The following SFMBT1 variants were observed in gnomAD, a reference collection of about 807,000 sequenced individuals.
SFMBT1 encodes Scm like with four mbt domains 1, also known as scm-like with four MBT domains protein 1.
Under a neutral mutation model 108.7 loss-of-function variants are expected in SFMBT1, and 32 were observed. The observed-to-expected ratio is 0.29, with a 90% CI of 0.22 to 0.40. The LOEUF (loss-of-function observed/expected upper bound fraction) is 0.40, where lower values mean the gene tolerates loss of function less well. Ranked by LOEUF, SFMBT1 falls within the 10% of genes least tolerant of loss-of-function variation. The pLI is 1.00. For synonymous variants in SFMBT1, 348 were observed against 369.5 expected, an observed-to-expected ratio of 0.94 and a Z score of 0.67; for missense variants, 816 against 1,059.6, an observed-to-expected ratio of 0.77 and a Z score of 3.19.
intron 12 of SFMBT1, 118 bp from the exon 13 acceptor site, chr3:52,918,644 T>C: frequency 2.0e-6 from 1 of 502,322 alleles, no homozygotes; most frequent in Non-Finnish European, 3.4e-6. Flanking sequence ...AGTGTGTGTG[T>C]ATATATGTGT....
intron 2 of SFMBT1, among the ~76,000 whole-genome samples, chr3:52,958,285 T>C (rs533346075): frequency 3.3e-5 from 5 of 152,200 alleles, no homozygotes; most frequent in East Asian, 3.9e-4. Flanking sequence ...GTCAGAATGA[T>C]GATTATTAAA....
Position 53,001,925 on chromosome 3 carries a change from T to TCTCACACA in SFMBT1, c.-130-32668_-130-32667insTGTGTGAG, listed in dbSNP as rs1448849638. On this transcript the variant is annotated intron_variant, in intron 1 of 20. Transcript: ENST00000394752. ...GGGCAACAGAGCAAGACCCAGTCTC[T>TCTCACACA]CACACACACACACACACACACACAC... is the stretch of plus-strand genomic sequence containing the variant. Among the ~76,000 whole-genome samples the TCTCACACA allele has an allele frequency of 3.5e-3, 457 of 129,228 alleles. 8 individuals are homozygous for TCTCACACA. Among genetic ancestry groups the TCTCACACA allele is most frequent in the African/African-American group, 0.01 (374 of 35,824 alleles). The allele number at this position is 129,228 out of a possible 152,430, so 84.8% of individuals were successfully genotyped here. A position where few individuals can be genotyped will look rare whatever the true frequency, so the allele number is the denominator to read the frequency against.
chr3:53,045,965 T>C lies in SFMBT1; in HGVS notation c.-280A>G, dbSNP rs1243009269. On this transcript the variant is annotated 5_prime_UTR_variant, in exon 1 of 21. Coordinates refer to ENST00000394752, the MANE Select transcript of SFMBT1 (RefSeq NM_016329.4). ...CGCGCTCGCCCGCTCGCGCCCTCCT[T>C]CCTGCTGGGTTCGGCGGAGCGGGGC... 6.7e-6 allele frequency: 1 copy of C among 150,134 alleles called. No homozygotes were observed. The highest frequency in any genetic ancestry group is 1.5e-5 in the Non-Finnish European group (1 of 67,400). 9.3% of individuals were successfully genotyped at this position (150,134 alleles called of 1,614,324 possible). A position where few individuals can be genotyped will look rare whatever the true frequency, so the allele number is the denominator to read the frequency against.
intron 1 of SFMBT1, among the ~76,000 whole-genome samples, chr3:53,015,813 GT>G (rs959427707): frequency 9.2e-5 from 14 of 151,916 alleles, no homozygotes; most frequent in African/African-American, 3.1e-4. Flanking sequence ...TGGGTACAAG[GT>G]TTTTTTTCTG....
chr3:52,973,095 T>C (rs949595456), intron 1 of SFMBT1, among the ~76,000 whole-genome samples: 2 of 152,140 alleles, frequency 1.3e-5, no homozygotes, highest in African/African-American at 4.8e-5. Context: ...CTCACCCCTG[T>C]AGTCCCAGTG....
chr3:52,940,214 C>T (rs1032815396), intron 4 of SFMBT1, among the ~76,000 whole-genome samples: 8 of 152,208 alleles, frequency 5.3e-5, no homozygotes, highest in Admixed American at 5.2e-4. Context: ...AAGTAAAAAA[C>T]CTTCACAAAG....
rs796932837 is a variant in SFMBT1, at chr3:53,012,403, CTTT to C, written c.-131+33410_-131+33412del. Among the ~76,000 whole-genome samples, 369 of 146,328 alleles carry C rather than the reference CTTT, an allele frequency of 2.5e-3. 1 individual carries two copies. Among genetic ancestry groups the C allele is most frequent in the African/African-American group, 8.2e-3 (328 of 40,212 alleles). ...ACAGAAGTGCCTTGCAGTGAGTGCT[CTTT>C]TTTTTTTTTTTCCCGAGACGGAGTC... On this transcript the variant is annotated intron_variant, in intron 1 of 20. Transcript: ENST00000394752.
chr3:52,964,597 A>T (rs911320964), intron 2 of SFMBT1, among the ~76,000 whole-genome samples: 11 of 152,320 alleles, frequency 7.2e-5, no homozygotes, highest in African/African-American at 2.6e-4. Flanking sequence ...CCTAGTATCA[A>T]ATTAGCACTC....
At chr3:52,982,663 A>G (rs1704752912) in intron 1 of SFMBT1, among the ~76,000 whole-genome samples, 1 of 140,860 alleles carries the variant, frequency 7.1e-6, no homozygotes, top group African/African-American at 2.7e-5. Context: ...CAGGAGGCGG[A>G]GGTTGAAGTA....
chr3:53,012,798 G>C (rs1698999913), intron 1 of SFMBT1, among the ~76,000 whole-genome samples: 1 of 151,576 alleles, frequency 6.6e-6, no homozygotes, highest in East Asian at 1.9e-4. Flanking sequence ...TATGATTCAA[G>C]GTAATGCAAT....
At chr3:52,958,160 A>G (rs1703840933) in intron 2 of SFMBT1, among the ~76,000 whole-genome samples, 1 of 152,244 alleles carries the variant, frequency 6.6e-6, no homozygotes, top group South Asian at 2.1e-4. Flanking sequence ...GGACATGAAC[A>G]GACACCTTAC....
intron 1 of SFMBT1, among the ~76,000 whole-genome samples, chr3:53,042,058 A>T (rs146861188): frequency 2.0e-5 from 3 of 152,246 alleles, no homozygotes; most frequent in African/African-American, 7.2e-5. Context: ...GAAAATTATA[A>T]GAGAAAAAAT....
chr3:52,930,451 G>A (rs780201350), intron 7 of SFMBT1, 21 bp from the exon 8 acceptor site: 1 of 1,377,652 alleles, frequency 7.3e-7, no homozygotes, highest in African/African-American at 1.4e-5. Context: ...GACACCAAAA[G>A]GGGATGAAAA....
intron 1 of SFMBT1, among the ~76,000 whole-genome samples, chr3:53,020,308 T>A (rs893270277): frequency 1.3e-5 from 2 of 152,014 alleles, no homozygotes; most frequent in African/African-American, 4.8e-5. Flanking sequence ...GGAAATCGCT[T>A]GAACCTGGGA....
intron 1 of SFMBT1, among the ~76,000 whole-genome samples, chr3:53,016,676 G>A (rs1299789300): frequency 6.6e-6 from 1 of 152,152 alleles, no homozygotes; most frequent in Non-Finnish European, 1.5e-5. Context: ...TGATTTGAAG[G>A]AATTCCTCAC....
intron 1 of SFMBT1, among the ~76,000 whole-genome samples, chr3:52,993,176 C>T (rs1240536463): frequency 7.6e-6 from 1 of 132,154 alleles, no homozygotes; most frequent in Non-Finnish European, 1.8e-5. Context: ...TATGCAAAAG[C>T]CTTAACATTT....
At chr3:52,991,342 CTTTTTTTT>C (rs71087045) in intron 1 of SFMBT1, among the ~76,000 whole-genome samples, 8 of 91,214 alleles carry the variant, frequency 8.8e-5, no homozygotes, top group East Asian at 7.0e-4. Flanking sequence ...GCTGAAACTT[CTTTTTTTT>C]TTTTTTTTTT....
chr3:52,987,297 CAAGT>C (rs1704959038), intron 1 of SFMBT1, among the ~76,000 whole-genome samples: 2 of 152,200 alleles, frequency 1.3e-5, no homozygotes, highest in African/African-American at 2.4e-5. Flanking sequence ...ATATTATGAT[CAAGT>C]ATTATGTACT....
chr3:52,974,223 T>C (rs907190540), intron 1 of SFMBT1, among the ~76,000 whole-genome samples: 1 of 152,202 alleles, frequency 6.6e-6, no homozygotes, highest in Non-Finnish European at 1.5e-5. Flanking sequence ...CCTATTGAAA[T>C]GTTTGAATTT....
Sources: allele counts gnomAD v4.1 joint callset (sites outside exome capture counted in the v4.1 genomes callset), GRCh38; gene constraint gnomAD v4.1.1; transcripts MANE v1.5; gene names NCBI Gene and HGNC (gene_info 2026-07-23, HGNC 2026-07-21).